Variants in ULK4 observed in about 807,000 individuals in gnomAD.
The protein encoded by ULK4 is unc-51 like kinase 4.
Under a neutral mutation model 160.6 loss-of-function variants are expected in ULK4, and 133 were observed. That is an observed-to-expected ratio of 0.83 (90% confidence interval 0.72 to 0.96). ULK4 has a LOEUF of 0.96. Ranked by LOEUF, ULK4 falls within the 40% of genes least tolerant of loss-of-function variation. ULK4 has a pLI of 0.00. For missense variants in ULK4, 1,580 were observed against 1,499.5 expected (o/e 1.05, Z -0.89); for synonymous variants, 534 against 539.8 (o/e 0.99, Z 0.15).
At chr3:41,402,885 T>A (rs1429023469) in intron 34 of ULK4, among the ~76,000 whole-genome samples, 1 of 152,162 alleles carries the variant, frequency 6.6e-6, no homozygotes, top group Non-Finnish European at 1.5e-5. Context: ...CCTCTTCTAT[T>A]CATGTCTGTA....
intron 32 of ULK4, among the ~76,000 whole-genome samples, chr3:41,465,484 A>C (rs1414222372): frequency 6.6e-6 from 1 of 152,164 alleles, no homozygotes; most frequent in African/African-American, 2.4e-5. Context: ...TTTTTTTACA[A>C]TTAGTTTATA....
intron 31 of ULK4, among the ~76,000 whole-genome samples, chr3:41,596,164 G>T (rs915874381): frequency 3.9e-5 from 6 of 152,190 alleles, no homozygotes; most frequent in African/African-American, 1.4e-4. Context: ...CAGGTTTGGT[G>T]TTGGAATGGA....
intron 5 of ULK4, among the ~76,000 whole-genome samples, chr3:41,922,574 G>T (rs879462801): frequency 1.5e-4 from 23 of 149,308 alleles, no homozygotes; most frequent in Non-Finnish European, 2.7e-4. Context: ...TGAAGACAGG[G>T]TGTTGCTGGA....
intron 32 of ULK4, among the ~76,000 whole-genome samples, chr3:41,548,764 A>G (rs2086958362): frequency 6.6e-6 from 1 of 150,774 alleles, no homozygotes; most frequent in Admixed American, 6.6e-5. Context: ...GCCCACCTAT[A>G]CCATCCAGGG....
At chr3:41,855,951 T>C (rs1049959348) in intron 17 of ULK4, among the ~76,000 whole-genome samples, 4 of 152,188 alleles carry the variant, frequency 2.6e-5, no homozygotes, top group Admixed American at 6.6e-5. Context: ...AATTAAGTCA[T>C]AGCAGCAAAC....
chr3:41,481,623 C>G (rs954391158), intron 32 of ULK4, among the ~76,000 whole-genome samples: 2 of 151,608 alleles, frequency 1.3e-5, no homozygotes, highest in South Asian at 2.1e-4. Context: ...GTCAGGAGAT[C>G]GAGACCATCC....
intron 30 of ULK4, among the ~76,000 whole-genome samples, chr3:41,617,835 C>A (rs188781814): frequency 7.1e-4 from 108 of 152,206 alleles, no homozygotes; most frequent in African/African-American, 2.2e-3. Context: ...TGAACTAAAG[C>A]AGCATGTTCT....
At chr3:41,449,579 T>C (rs1183360713) in intron 34 of ULK4, among the ~76,000 whole-genome samples, 3 of 152,000 alleles carry the variant, frequency 2.0e-5, no homozygotes, top group Admixed American at 2.0e-4. Context: ...CCATAAACCA[T>C]AATCACCATA....
chr3:41,847,401 G>A (rs544608579), intron 17 of ULK4, among the ~76,000 whole-genome samples: 1 of 152,286 alleles, frequency 6.6e-6, no homozygotes, highest in East Asian at 1.9e-4. Flanking sequence ...AAAAGAAACT[G>A]AATTAATCTC....
intron 35 of ULK4, among the ~76,000 whole-genome samples, chr3:41,250,098 G>GA (rs1559486651): frequency 1.3e-5 from 2 of 152,090 alleles, no homozygotes; most frequent in South Asian, 4.2e-4. Context: ...AGTCCTATGA[G>GA]AAAAACACTT....
At chr3:41,473,322 T>C (rs78043683) in intron 32 of ULK4, among the ~76,000 whole-genome samples, 4,623 of 151,944 alleles carry the variant, frequency 0.03, 230 homozygotes, top group African/African-American at 0.1. Flanking sequence ...AATATGATCT[T>C]GTATGTGGAA....
intron 31 of ULK4, among the ~76,000 whole-genome samples, chr3:41,577,577 C>T (rs9824709): frequency 0.2 from 30,529 of 151,842 alleles, 5,250 homozygotes; most frequent in African/African-American, 0.47. Flanking sequence ...CATTCTTCCG[C>T]GCCCCCATTA....
intron 35 of ULK4, among the ~76,000 whole-genome samples, chr3:41,320,133 TG>T (rs1246122060): frequency 6.6e-6 from 1 of 152,224 alleles, no homozygotes; most frequent in Non-Finnish European, 1.5e-5. Flanking sequence ...TGCTGTTTAC[TG>T]GTTATGTGAC....
intron 32 of ULK4, among the ~76,000 whole-genome samples, chr3:41,489,183 T>C (rs1221398936): frequency 6.6e-6 from 1 of 152,190 alleles, no homozygotes; most frequent in Non-Finnish European, 1.5e-5. Context: ...ATCCTATCCT[T>C]CTTTTACTGA....
At chr3:41,830,247 G>T (rs1327159297) in intron 18 of ULK4, among the ~76,000 whole-genome samples, 1 of 151,916 alleles carries the variant, frequency 6.6e-6, no homozygotes, top group East Asian at 1.9e-4. Context: ...GTATACATAT[G>T]TAACAAACCT....
At chr3:41,451,875 C>A (rs1005904203) in intron 34 of ULK4, among the ~76,000 whole-genome samples, 1 of 151,966 alleles carries the variant, frequency 6.6e-6, no homozygotes, top group Non-Finnish European at 1.5e-5. Flanking sequence ...AGGTGTCAGC[C>A]TAAATTTAGA....
chr3:41,960,600 A>G (rs1700631817), intron 1 of ULK4, among the ~76,000 whole-genome samples: 1 of 152,072 alleles, frequency 6.6e-6, no homozygotes, highest in African/African-American at 2.4e-5. Context: ...CCTGGCCTCA[A>G]GTGATCCGCC....
At chr3:41,708,691 A>T (rs2036988802) in intron 25 of ULK4, among the ~76,000 whole-genome samples, 1 of 152,176 alleles carries the variant, frequency 6.6e-6, no homozygotes, top group Non-Finnish European at 1.5e-5. Context: ...GCAGTAGGTG[A>T]GTATAGTTAA....
chr3:41,390,356 C>G (rs1232029479), intron 35 of ULK4, among the ~76,000 whole-genome samples: 1 of 152,058 alleles, frequency 6.6e-6, no homozygotes, highest in Non-Finnish European at 1.5e-5. Context: ...TTTTTTGTGT[C>G]TCTATTTCCT....
Sources: allele counts gnomAD v4.1 joint callset (sites outside exome capture counted in the v4.1 genomes callset), GRCh38; gene constraint gnomAD v4.1.1; transcripts MANE v1.5; gene names NCBI Gene and HGNC (gene_info 2026-07-23, HGNC 2026-07-21).